Variants in SYT17 observed in about 807,000 individuals in gnomAD.
SYT17 encodes the protein synaptotagmin 17.
SYT17 carries 22 observed loss-of-function variants against 46.7 expected under a neutral mutation model. The observed-to-expected ratio is 0.47, with a 90% CI of 0.34 to 0.67. The LOEUF (loss-of-function observed/expected upper bound fraction) is 0.67. Among genes scored for constraint, SYT17 ranks in the 30% least tolerant of loss-of-function variants. The pLI, the probability that SYT17 is intolerant of heterozygous loss-of-function variation, is 0.01. For missense variants in SYT17, 519 were observed against 612.8 expected, an observed-to-expected ratio of 0.85 and a Z score of 1.62; for synonymous variants, 251 against 248.4, an observed-to-expected ratio of 1.01 and a Z score of -0.10.
Position 19,168,758 on chromosome 16 carries a change from C to T in SYT17, c.15+97C>T, listed in dbSNP as rs1459736955. On this transcript the variant is annotated intron_variant, in intron 1 of 7. Transcript: ENST00000355377. This position sits in a 1 kb window ranked among gnomAD's most constrained non-coding sequence, Gnocchi z 6.9. Reference sequence around the variant, plus strand: ...GCGGAAGGGAGGGCCCACGGCTAGGCTCCCACAAACTTGCTTCGAGAAAAA... The same window carrying T: ...GCGGAAGGGAGGGCCCACGGCTAGGTTCCCACAAACTTGCTTCGAGAAAAA... The T allele has an allele frequency of 1.5e-6, 2 of 1,356,674 alleles. No homozygotes were observed. The highest frequency in any genetic ancestry group is 3.0e-5 in the East Asian group (1 of 33,236). 84.0% of individuals were successfully genotyped at this position (1,356,674 alleles called of 1,614,324 possible). A position where few individuals can be genotyped will look rare whatever the true frequency, so the allele number is the denominator to read the frequency against.
intron 5 of SYT17, among the ~76,000 whole-genome samples, chr16:19,198,696 G>T (rs1246784146): frequency 6.6e-6 from 1 of 152,226 alleles, no homozygotes; most frequent in African/African-American, 2.4e-5. Context: ...GGCTCAGCTT[G>T]TTGGAAAATG....
chr16:19,259,574 A>C (rs923554602), intron 7 of SYT17, among the ~76,000 whole-genome samples: 11 of 152,168 alleles, frequency 7.2e-5, no homozygotes, highest in African/African-American at 2.7e-4. Flanking sequence ...CAGATGACTG[A>C]GTTTATTTGA....
At chr16:19,210,512 T>C (rs2142794571) in intron 5 of SYT17, among the ~76,000 whole-genome samples, 1 of 151,240 alleles carries the variant, frequency 6.6e-6, no homozygotes, top group African/African-American at 2.4e-5. Flanking sequence ...TTAAATACCC[T>C]TTTTTTTTCT....
At chr16:19,181,770 C>A (rs571272651) in intron 4 of SYT17, among the ~76,000 whole-genome samples, 1 of 151,072 alleles carries the variant, frequency 6.6e-6, no homozygotes, top group Admixed American at 6.6e-5. Context: ...GAGGCCGAGG[C>A]GGGAGGATCA....
chr16:19,256,618 G>C (rs979996528), intron 7 of SYT17, among the ~76,000 whole-genome samples: 1 of 151,242 alleles, frequency 6.6e-6, no homozygotes, highest in Non-Finnish European at 1.5e-5. Context: ...TTACTCTTTC[G>C]ACCAGGCTGG....
intron 7 of SYT17, among the ~76,000 whole-genome samples, chr16:19,257,953 GT>G (rs11286482): frequency 0.63 from 93,821 of 148,944 alleles, 29,995 homozygotes; most frequent in East Asian, 0.99. Flanking sequence ...TGGTAAAGAT[GT>G]TTTTTTTTTT....
At chr16:19,236,438 A>C (rs187882117) in intron 7 of SYT17, among the ~76,000 whole-genome samples, 106 of 152,270 alleles carry the variant, frequency 7.0e-4, no homozygotes, top group African/African-American at 2.4e-3. Context: ...GTGAGAGAAC[A>C]GTTCACCCAA....
At chr16:19,230,416 A>G (rs1966639030) in intron 7 of SYT17, among the ~76,000 whole-genome samples, 2 of 152,124 alleles carry the variant, frequency 1.3e-5, no homozygotes, top group Non-Finnish European at 2.9e-5. Flanking sequence ...AAAAAAAAAA[A>G]AAATTCTGGA....
chr16:19,241,903 C>A (rs568029219), intron 7 of SYT17, among the ~76,000 whole-genome samples: 27 of 152,314 alleles, frequency 1.8e-4, no homozygotes, highest in African/African-American at 6.3e-4. Flanking sequence ...GCAACTGCCC[C>A]CCACCACCAC....
intron 7 of SYT17, among the ~76,000 whole-genome samples, chr16:19,265,593 T>A (rs1028225731): frequency 2.0e-5 from 3 of 152,254 alleles, no homozygotes; most frequent in African/African-American, 7.2e-5. Flanking sequence ...TTGCTTTATA[T>A]GATATTCAGC....
At chr16:19,250,260 T>C (rs547357318) in intron 7 of SYT17, among the ~76,000 whole-genome samples, 15 of 152,290 alleles carry the variant, frequency 9.8e-5, no homozygotes, top group Non-Finnish European at 2.1e-4. Context: ...TCTCGACTCA[T>C]ATTTTTATCA....
At chr16:19,208,107 T>A (rs182277717) in intron 5 of SYT17, among the ~76,000 whole-genome samples, 73 of 152,272 alleles carry the variant, frequency 4.8e-4, no homozygotes, top group Admixed American at 4.5e-3. Context: ...CAAAGAGGGA[T>A]GCATCCTACC....
intron 3 of SYT17, among the ~76,000 whole-genome samples, chr16:19,177,094 C>T (rs1200568739): frequency 6.6e-6 from 1 of 152,162 alleles, no homozygotes; most frequent in Non-Finnish European, 1.5e-5. Flanking sequence ...TCATGTTGAG[C>T]TGGAGGACAG....
chr16:19,192,344 C>T (rs947130664), intron 5 of SYT17, among the ~76,000 whole-genome samples: 6 of 152,096 alleles, frequency 3.9e-5, no homozygotes, highest in Non-Finnish European at 8.8e-5. Flanking sequence ...TCGCTTGAAT[C>T]CGGGAGACAG....
chr16:19,190,365 C>A (rs1295501889), intron 5 of SYT17, among the ~76,000 whole-genome samples: 1 of 152,064 alleles, frequency 6.6e-6, no homozygotes, highest in African/African-American at 2.4e-5. Context: ...GAGTGAAACT[C>A]CGTCTCGAAA....
chr16:19,185,967 A>G (rs1346623519), intron 5 of SYT17, among the ~76,000 whole-genome samples: 1 of 152,014 alleles, frequency 6.6e-6, no homozygotes, highest in Admixed American at 6.6e-5. Flanking sequence ...CCTGATGCTG[A>G]GCCTTCTTGC....
At chr16:19,233,000 G>A (rs761663760) in intron 7 of SYT17, among the ~76,000 whole-genome samples, 10 of 152,138 alleles carry the variant, frequency 6.6e-5, no homozygotes, top group Non-Finnish European at 8.8e-5. Flanking sequence ...CAACCCAGGC[G>A]TCTGGGTTTT....
intron 5 of SYT17, among the ~76,000 whole-genome samples, chr16:19,185,605 T>TA (rs11404684): frequency 0.2 from 28,801 of 144,670 alleles, 2,965 homozygotes; most frequent in South Asian, 0.34. Flanking sequence ...CCTGTCTCTT[T>TA]AAAAAAAAAA....
intron 5 of SYT17, among the ~76,000 whole-genome samples, chr16:19,192,186 TAGG>T (rs1241191789): frequency 3.9e-5 from 6 of 152,196 alleles, no homozygotes; most frequent in Non-Finnish European, 8.8e-5. Context: ...TTGGGAGACT[TAGG>T]AGGGAGGATC....
Sources: allele counts gnomAD v4.1 joint callset (sites outside exome capture counted in the v4.1 genomes callset), GRCh38; gene constraint gnomAD v4.1.1; non-coding constraint Gnocchi (gnomAD v3.1); transcripts MANE v1.5; gene names NCBI Gene and HGNC (gene_info 2026-07-23, HGNC 2026-07-21).